PTPRD: variants seen among roughly 807,000 people sequenced by gnomAD.
PTPRD encodes the protein protein tyrosine phosphatase receptor type D, also known as receptor-type tyrosine-protein phosphatase delta.
A neutral mutation model predicts 214.5 loss-of-function variants in PTPRD; 34 were observed. The ratio of observed to expected loss-of-function variants is 0.16; its 90% CI spans 0.12 to 0.21. PTPRD has a LOEUF of 0.21. Ranked by LOEUF, PTPRD falls within the 10% of genes least tolerant of loss-of-function variation. PTPRD has a pLI of 1.00. For missense variants in PTPRD, 2,545 were observed against 2,398.7 expected (o/e 1.06, Z -1.27); for synonymous variants, 1,128 against 845.7 (o/e 1.33, Z -5.79).
chr9:10,204,142 G>T (rs2099452227), intron 3 of PTPRD, among the ~76,000 whole-genome samples: 1 of 151,956 alleles, frequency 6.6e-6, no homozygotes, highest in Non-Finnish European at 1.5e-5. Context: ...AATTTTGAAG[G>T]CATTGACCTC....
intron 10 of PTPRD, among the ~76,000 whole-genome samples, chr9:9,153,670 C>T (rs986287052): frequency 2.6e-5 from 4 of 152,128 alleles, no homozygotes; most frequent in Admixed American, 6.6e-5. Flanking sequence ...CTCTACAAAA[C>T]ACGTCTTTCT....
chr9:8,792,489 C>G (rs967453338), intron 11 of PTPRD, among the ~76,000 whole-genome samples: 2 of 152,096 alleles, frequency 1.3e-5, no homozygotes, highest in Non-Finnish European at 2.9e-5. Flanking sequence ...GGTGAGCATT[C>G]AGTTCCATTT....
At chr9:9,863,306 T>A (rs558777935) in intron 5 of PTPRD, among the ~76,000 whole-genome samples, 14 of 152,250 alleles carry the variant, frequency 9.2e-5, no homozygotes, top group Admixed American at 5.2e-4. Context: ...TTCTAAAAAA[T>A]TTGATAATTG....
intron 3 of PTPRD, among the ~76,000 whole-genome samples, chr9:10,114,913 T>A (rs1408843892): frequency 2.6e-5 from 4 of 151,908 alleles, no homozygotes; most frequent in African/African-American, 9.7e-5. Flanking sequence ...ATTGTAAAAT[T>A]TTCTAAGGAA....
At chr9:10,548,038 A>C (rs2060525763) in intron 2 of PTPRD, among the ~76,000 whole-genome samples, 1 of 152,138 alleles carries the variant, frequency 6.6e-6, no homozygotes, top group Non-Finnish European at 1.5e-5. Flanking sequence ...GAGCTCTAGC[A>C]GTTGCTGTGG....
rs548083327 is a variant in PTPRD at position 10,287,296 on chromosome 9, C to T, written c.-545+53667G>A. Among the ~76,000 whole-genome samples the T allele has an allele frequency of 1.3e-4, 20 of 152,218 alleles. No homozygotes were observed. In the South Asian group the frequency reaches 4.1e-3, roughly 32 times the overall value. On this transcript the variant is annotated intron_variant, in intron 3 of 45. Transcript: ENST00000381196. ...ATCTAGGCAGACAGAGGCCTGGGAC[C>T]TGTAGCTGGGTGAGTAGGGCCAAAC... is the stretch of plus-strand genomic sequence containing the variant.
chr9:9,449,390 A>G (rs894799543), intron 8 of PTPRD, among the ~76,000 whole-genome samples: 1 of 141,872 alleles, frequency 7.0e-6, no homozygotes, highest in Non-Finnish European at 1.5e-5. Flanking sequence ...CCAATAAATC[A>G]GTGAGAAATT....
At chr9:8,422,018 T>C (rs956427550) in intron 35 of PTPRD, among the ~76,000 whole-genome samples, 4 of 151,028 alleles carry the variant, frequency 2.6e-5, no homozygotes, top group African/African-American at 9.7e-5. Context: ...GGGTGGTGTG[T>C]GTTTGTAATC....
intron 11 of PTPRD, among the ~76,000 whole-genome samples, chr9:8,962,383 A>G (rs929872537): frequency 6.6e-6 from 1 of 152,126 alleles, no homozygotes; most frequent in Admixed American, 6.6e-5. Flanking sequence ...GGACTTTCCT[A>G]TGAAAACATG....
intron 3 of PTPRD, among the ~76,000 whole-genome samples, chr9:10,091,555 T>A (rs980732947): frequency 6.6e-6 from 1 of 151,552 alleles, no homozygotes; most frequent in Non-Finnish European, 1.5e-5. Flanking sequence ...TATCACAAAG[T>A]CTTAAGTCTA....
intron 9 of PTPRD, among the ~76,000 whole-genome samples, chr9:9,343,479 G>C (rs1051265127): frequency 2.0e-5 from 3 of 152,124 alleles, no homozygotes; most frequent in African/African-American, 7.2e-5. Context: ...GACCAGTGAT[G>C]ATGAGCTTTT....
chr9:9,351,425 G>A (rs2051082467), intron 9 of PTPRD, among the ~76,000 whole-genome samples: 1 of 151,980 alleles, frequency 6.6e-6, no homozygotes, highest in South Asian at 2.1e-4. Flanking sequence ...AAGTACTTGG[G>A]AATGAGAACA....
chr9:10,534,551 T>A (rs1468289626), intron 2 of PTPRD, among the ~76,000 whole-genome samples: 2 of 152,058 alleles, frequency 1.3e-5, no homozygotes, highest in Non-Finnish European at 2.9e-5. Context: ...AATATGTGAT[T>A]AAAATTATTC....
chr9:10,314,647 A>C (rs1388662294), intron 3 of PTPRD, among the ~76,000 whole-genome samples: 2 of 151,882 alleles, frequency 1.3e-5, no homozygotes, highest in African/African-American at 4.8e-5. Context: ...TAAATAGGTT[A>C]TAGATTAGAT....
rs149370938 is a variant in PTPRD, at chr9:9,475,145, C to A, written c.-236-77663G>T. ...CTCTTAACATAGTTTCTAAATATTTCTATTATACAATACTACTTATGTTTA... is the reference window on the plus strand; with the variant it reads ...CTCTTAACATAGTTTCTAAATATTTATATTATACAATACTACTTATGTTTA... On this transcript the variant is annotated intron_variant, in intron 8 of 45. Coordinates refer to ENST00000381196, the MANE Select transcript of PTPRD (RefSeq NM_002839.4). Among the ~76,000 whole-genome samples the A allele has an allele frequency of 1.3e-4, 20 of 152,298 alleles. No individual in the cohort carries two copies. In the East Asian group the frequency reaches 3.7e-3, roughly 28 times the overall value.
chr9:10,000,735 T>G (rs2096286503), intron 4 of PTPRD, among the ~76,000 whole-genome samples: 1 of 152,238 alleles, frequency 6.6e-6, no homozygotes, highest in Non-Finnish European at 1.5e-5. Context: ...AACATGCTAA[T>G]GCTGGTGATT....
intron 12 of PTPRD, among the ~76,000 whole-genome samples, chr9:8,729,478 C>A (rs768321679): frequency 6.6e-6 from 1 of 152,034 alleles, no homozygotes; most frequent in Non-Finnish European, 1.5e-5. Context: ...GTGCTTCACA[C>A]GTGCTCAATA....
chr9:8,759,052 A>G (rs56057209), intron 11 of PTPRD, among the ~76,000 whole-genome samples: 469 of 150,908 alleles, frequency 3.1e-3, no homozygotes, highest in Middle Eastern at 0.021. Flanking sequence ...TTTTAGAAAG[A>G]GAGCATCTCA....
chr9:8,528,335 C>A, intron 15 of PTPRD: 15 of 481,378 alleles, frequency 3.1e-5, no homozygotes, highest in South Asian at 1.3e-4. Context: ...AAAAAATTAC[C>A]AAAAATACAG....
Sources: gnomAD v4.1 joint callset for allele counts (sites outside exome capture counted in the v4.1 genomes callset) on GRCh38, gnomAD v4.1.1 for gene constraint, MANE v1.5 for transcripts, NCBI Gene and HGNC (gene_info 2026-07-23, HGNC 2026-07-21) for gene names.